Variants in NPNT observed in about 807,000 individuals in gnomAD.
NPNT encodes the protein nephronectin.
In NPNT, 45 loss-of-function variants were observed where a neutral mutation model predicts 68.6. That is an observed-to-expected ratio of 0.66 (90% confidence interval 0.52 to 0.84). The LOEUF (loss-of-function observed/expected upper bound fraction) is 0.84, where lower values mean the gene tolerates loss of function less well. Ranked by LOEUF, NPNT falls within the 40% of genes least tolerant of loss-of-function variation. NPNT has a pLI of 0.00. For missense variants in NPNT, 672 were observed against 714.8 expected, an observed-to-expected ratio of 0.94 and a Z score of 0.68; for synonymous variants, 233 against 253.3, an observed-to-expected ratio of 0.92 and a Z score of 0.76.
intron 2 of NPNT, among the ~76,000 whole-genome samples, chr4:105,916,313 A>G (rs936232313): frequency 1.3e-5 from 2 of 151,614 alleles, no homozygotes; most frequent in Non-Finnish European, 2.9e-5. Context: ...TCTGCCTGCC[A>G]GGTTCAATGG....
intron 2 of NPNT, among the ~76,000 whole-genome samples, chr4:105,913,494 G>C (rs991755316): frequency 5.3e-5 from 8 of 152,186 alleles, no homozygotes; most frequent in African/African-American, 1.9e-4. Flanking sequence ...ACTTTTCTGA[G>C]CTGCAATGTT....
At chr4:105,916,757 A>G (rs1018102713) in intron 2 of NPNT, among the ~76,000 whole-genome samples, 1 of 152,152 alleles carries the variant, frequency 6.6e-6, no homozygotes, top group African/African-American at 2.4e-5. Context: ...TATTAGTTTC[A>G]TGAAGGTGGA....
At chr4:105,947,450 C>CT (rs1218881748) in intron 8 of NPNT, among the ~76,000 whole-genome samples, 2 of 152,200 alleles carry the variant, frequency 1.3e-5, no homozygotes, top group Non-Finnish European at 2.9e-5. Context: ...TGTTCCTCTG[C>CT]TGCAGCTCCA....
rs1225683295 is a variant in NPNT, at chr4:105,895,641, C to T, written c.-12C>T. 2.6e-6 allele frequency: 4 copies of T among 1,549,596 alleles called. No homozygotes were observed. Among genetic ancestry groups the T allele is most frequent in the South Asian group, 1.2e-5 (1 of 83,970 alleles). On this transcript the variant is annotated 5_prime_UTR_variant, in exon 1 of 12. Transcript: ENST00000379987. ...GCGCCACTGCGCTGCGCCCCAGGAC[C>T]CGCTGCCCAACATGGATTTTCTCCT...
At chr4:105,944,183 A>G (rs1257786679) in intron 8 of NPNT, among the ~76,000 whole-genome samples, 1 of 152,126 alleles carries the variant, frequency 6.6e-6, no homozygotes, top group Non-Finnish European at 1.5e-5. Flanking sequence ...TATACATTTT[A>G]TATGTGCATA....
At chr4:105,962,606 C>T (rs1304551643) in intron 10 of NPNT, among the ~76,000 whole-genome samples, 1 of 151,940 alleles carries the variant, frequency 6.6e-6, no homozygotes, top group African/African-American at 2.4e-5. Flanking sequence ...CTCTGAGAGC[C>T]TGATTCAGAA....
chr4:105,964,505 C>A (rs115111249), intron 10 of NPNT, among the ~76,000 whole-genome samples: 316 of 152,316 alleles, frequency 2.1e-3, no homozygotes, highest in Non-Finnish European at 3.5e-3. Context: ...GCAATTTACA[C>A]TTCTTCCTAC....
rs187428276 is a variant in NPNT, at chr4:105,900,445, G to T, written c.172+2444G>T. Among the ~76,000 whole-genome samples the T allele has an allele frequency of 5.3e-5, 8 of 152,304 alleles. No homozygotes were observed. In the East Asian group the frequency reaches 1.5e-3, roughly 29 times the overall value. ...CCGTTTGGTTGAGCATTTGTGAGAT[G>T]TTTGACTTAATATTCATGTGAGTCA... On this transcript the variant is annotated intron_variant, in intron 2 of 11. Coordinates refer to ENST00000379987, the MANE Select transcript of NPNT (RefSeq NM_001033047.3).
At chr4:105,912,465 C>T (rs1727449516) in intron 2 of NPNT, 1 of 462,996 alleles carries the variant, frequency 2.2e-6, no homozygotes, top group Non-Finnish European at 3.4e-6. Context: ...GTTGATTATT[C>T]CTTTCTTCTG....
intron 3 of NPNT, among the ~76,000 whole-genome samples, chr4:105,933,150 G>A (rs1289045340): frequency 1.3e-5 from 2 of 152,122 alleles, no homozygotes; most frequent in East Asian, 1.9e-4. Flanking sequence ...GGTATACATT[G>A]TGTAACATCA....
At chr4:105,924,671 A>G (rs1728552843) in intron 2 of NPNT, among the ~76,000 whole-genome samples, 1 of 152,214 alleles carries the variant, frequency 6.6e-6, no homozygotes, top group Non-Finnish European at 1.5e-5. Context: ...GGGAGAGGAA[A>G]CAATAAAAAC....
At chr4:105,966,329 C>T (rs891736298) in intron 10 of NPNT, among the ~76,000 whole-genome samples, 1 of 152,028 alleles carries the variant, frequency 6.6e-6, no homozygotes, top group Admixed American at 6.6e-5. Flanking sequence ...TGCTGCTTAA[C>T]CATTTTTTTT....
At chr4:105,900,329 G>A (rs914666891) in intron 2 of NPNT, among the ~76,000 whole-genome samples, 1 of 152,192 alleles carries the variant, frequency 6.6e-6, no homozygotes, top group Non-Finnish European at 1.5e-5. Context: ...TAGAAGGTGT[G>A]TTTGTAGGTA....
intron 2 of NPNT, among the ~76,000 whole-genome samples, chr4:105,908,763 CCATGTTAGGCAGGATGGT>C (rs1727125012): frequency 6.6e-6 from 1 of 152,056 alleles, no homozygotes; most frequent in African/African-American, 2.4e-5. Flanking sequence ...CAGGGTTTTA[CCATGTTAGGCAGGATGGT>C]CTCGATCTCC....
chr4:105,913,029 G>A (rs570805115), intron 2 of NPNT, among the ~76,000 whole-genome samples: 12 of 152,110 alleles, frequency 7.9e-5, no homozygotes, highest in Admixed American at 2.0e-4. Flanking sequence ...CACAATGCCC[G>A]GCTAATTTTT....
intron 7 of NPNT, among the ~76,000 whole-genome samples, 167 bp from the exon 8 acceptor site, chr4:105,942,140 C>CAA (rs1730020002): frequency 1.4e-5 from 2 of 145,918 alleles, no homozygotes; most frequent in Non-Finnish European, 1.5e-5. Context: ...TATATATACA[C>CAA]ACATATATAT....
intron 2 of NPNT, among the ~76,000 whole-genome samples, chr4:105,910,712 G>A (rs1238000443): frequency 6.6e-6 from 1 of 151,988 alleles, no homozygotes; most frequent in Non-Finnish European, 1.5e-5. Flanking sequence ...ATAGGACATT[G>A]GCTAAAATTT....
chr4:105,942,762 C>CA, intron 8 of NPNT, 60 bp downstream of exon 8: 1 of 1,456,834 alleles, frequency 6.9e-7, no homozygotes, highest in Non-Finnish European at 9.3e-7. Context: ...TTTTCAACCA[C>CA]AGGCCATGCC....
chr4:105,921,164 G>T (rs1483314030), intron 2 of NPNT, among the ~76,000 whole-genome samples: 1 of 152,080 alleles, frequency 6.6e-6, no homozygotes, highest in Admixed American at 6.6e-5. Context: ...ATACTTTTAT[G>T]TTTTTAATCA....
Sources: allele counts gnomAD v4.1 joint callset (sites outside exome capture counted in the v4.1 genomes callset), GRCh38; gene constraint gnomAD v4.1.1; transcripts MANE v1.5; gene names NCBI Gene and HGNC (gene_info 2026-07-23, HGNC 2026-07-21).